The following NTM variants were observed in gnomAD, a reference collection of about 807,000 sequenced individuals.
The protein encoded by NTM is neurotrimin.
NTM carries 13 observed loss-of-function variants against 42.1 expected under a neutral mutation model. The observed-to-expected ratio is 0.31, with a 90% confidence interval of 0.20 to 0.49. The LOEUF is 0.49. NTM is among the 20% of genes least tolerant of loss of function. NTM has a pLI of 0.99. For missense variants in NTM, 373 were observed against 452.8 expected, an observed-to-expected ratio of 0.82 and a Z score of 1.60; for synonymous variants, 187 against 179.2, an observed-to-expected ratio of 1.04 and a Z score of -0.35.
chr11:131,955,489 A>G (rs192414969), intron 2 of NTM, among the ~76,000 whole-genome samples: 4 of 152,304 alleles, frequency 2.6e-5, no homozygotes, highest in Non-Finnish European at 4.4e-5. Flanking sequence ...AAAGAGTTTA[A>G]AATGTAAAGG....
At chr11:132,271,272 C>T (rs1286927862) in intron 4 of NTM, among the ~76,000 whole-genome samples, 2 of 152,158 alleles carry the variant, frequency 1.3e-5, no homozygotes, top group Non-Finnish European at 2.9e-5. Flanking sequence ...CTGTATGGAT[C>T]CACATTTTGT....
intron 4 of NTM, among the ~76,000 whole-genome samples, chr11:132,250,120 T>C (rs2091764406): frequency 6.6e-6 from 1 of 152,250 alleles, no homozygotes; most frequent in South Asian, 2.1e-4. Context: ...TATTTTGTCC[T>C]GATTCCTGAA....
chr11:132,069,969 C>T lies in NTM; in HGVS notation c.168-76313C>T, dbSNP rs568043790. On this transcript the variant is annotated intron_variant, in intron 2 of 8. Coordinates refer to ENST00000683400, the MANE Select transcript of NTM (RefSeq NM_001352005.2). The stretch of plus-strand genomic sequence containing the variant: ...AACATGTCACACAGCCAAGTTAACA[C>T]GTCAAACTGACGATCACAGGTTAGT... 1.2e-3 allele frequency among the ~76,000 whole-genome samples: 159 copies of T among 137,052 alleles called. 1 individual carries two copies. The highest frequency in any genetic ancestry group is 3.9e-3 in the African/African-American group (131 of 33,918). 89.9% of individuals were successfully genotyped at this position (137,052 alleles called of 152,430 possible). A position where few individuals can be genotyped will look rare whatever the true frequency, so the allele number is the denominator to read the frequency against.
rs185575409 is a variant in NTM at position 131,769,885 on chromosome 11, C to T, written c.83-141679C>T. Among the ~76,000 whole-genome samples the T allele has an allele frequency of 4.3e-4, 66 of 152,288 alleles. No individual in the cohort carries two copies. The East Asian group carries it at 0.01, about 24-fold the overall frequency. ...TGAAGGATGACAACATCAGCTTTGC[C>T]GCTGGTAATGAATAGTATCTATTCC... On this transcript the variant is annotated intron_variant, in intron 1 of 8. Transcript: ENST00000683400.
intron 1 of NTM, among the ~76,000 whole-genome samples, chr11:131,800,763 A>G (rs2092037903): frequency 6.6e-6 from 1 of 152,102 alleles, no homozygotes; most frequent in Non-Finnish European, 1.5e-5. Context: ...TCAAACAGCA[A>G]TTTTCCTGCA....
intron 4 of NTM, among the ~76,000 whole-genome samples, chr11:132,214,410 C>A (rs933436954): frequency 3.3e-4 from 50 of 152,128 alleles, no homozygotes; most frequent in African/African-American, 1.2e-3. Flanking sequence ...ATTCCCTCAT[C>A]TGGCCAGTTC....
intron 1 of NTM, among the ~76,000 whole-genome samples, chr11:131,556,872 A>G (rs574302951): frequency 5.3e-5 from 8 of 152,248 alleles, no homozygotes; most frequent in Admixed American, 1.3e-4. Flanking sequence ...AGCCTTGGGA[A>G]TTTTTATAAT....
intron 4 of NTM, among the ~76,000 whole-genome samples, chr11:132,259,799 T>G (rs551571655): frequency 2.0e-4 from 30 of 152,096 alleles, no homozygotes; most frequent in African/African-American, 6.5e-4. Context: ...GCCCAGGCTG[T>G]AGTGCAATGG....
chr11:131,575,918 G>T (rs941155865), intron 1 of NTM, among the ~76,000 whole-genome samples: 2 of 152,174 alleles, frequency 1.3e-5, no homozygotes, highest in African/African-American at 4.8e-5. Context: ...TACCTTAAAA[G>T]GAGCAGAAGT....
chr11:132,148,754 G>C (rs1322383563), intron 3 of NTM, among the ~76,000 whole-genome samples: 1 of 152,164 alleles, frequency 6.6e-6, no homozygotes, highest in Non-Finnish European at 1.5e-5. Context: ...GCTAGAATTA[G>C]AGCCAGGTGA....
At chr11:132,245,265 AGGCG>A (rs1448952142) in intron 4 of NTM, among the ~76,000 whole-genome samples, 1 of 152,118 alleles carries the variant, frequency 6.6e-6, no homozygotes, top group African/African-American at 2.4e-5. Flanking sequence ...CCTACTGTCC[AGGCG>A]GGGGAGAGGT....
intron 2 of NTM, among the ~76,000 whole-genome samples, chr11:132,050,987 G>C (rs1027659749): frequency 6.6e-6 from 1 of 152,312 alleles, no homozygotes; most frequent in South Asian, 2.1e-4. Flanking sequence ...AGCAAGTCGG[G>C]GGTGGTGGAA....
At chr11:131,811,350 T>C (rs1397864303) in intron 1 of NTM, among the ~76,000 whole-genome samples, 1 of 152,150 alleles carries the variant, frequency 6.6e-6, no homozygotes, top group Non-Finnish European at 1.5e-5. Flanking sequence ...CAAGCAGTGA[T>C]TGCTAATGTC....
intron 1 of NTM, among the ~76,000 whole-genome samples, chr11:131,845,126 T>C (rs1358535781): frequency 2.0e-5 from 3 of 152,214 alleles, no homozygotes; most frequent in South Asian, 2.1e-4. Context: ...GAATCCCCTT[T>C]AGATTCATGG....
rs138920998 is a variant in NTM at position 132,199,445 on chromosome 11, C to T, written c.401-12577C>T. 1.2e-3 allele frequency among the ~76,000 whole-genome samples: 184 copies of T among 152,276 alleles called. 1 individual carries two copies. The highest frequency in any genetic ancestry group is 3.9e-3 in the East Asian group (20 of 5,186). ...TCTTTGATGTGCAGAGATAAATGAACGCTGTTCAGTGGCGTACATCTTTTA... is the reference window on the plus strand; with the variant it reads ...TCTTTGATGTGCAGAGATAAATGAATGCTGTTCAGTGGCGTACATCTTTTA... On this transcript the variant is annotated intron_variant, in intron 3 of 8. Transcript: ENST00000683400.
chr11:131,557,659 T>G (rs572527228), intron 1 of NTM, among the ~76,000 whole-genome samples: 45 of 151,940 alleles, frequency 3.0e-4, no homozygotes, highest in African/African-American at 1.0e-3. Flanking sequence ...TGGGTCTTTG[T>G]GTTTGGCTGC....
At chr11:131,458,392 C>T (rs1951092476) in intron 1 of NTM, among the ~76,000 whole-genome samples, 2 of 152,216 alleles carry the variant, frequency 1.3e-5, no homozygotes, top group Admixed American at 1.3e-4. Context: ...ATAGTCGAAG[C>T]ATTTATAGGG....
Position 131,924,356 on chromosome 11 carries a change from C to T in NTM, c.167+12708C>T, listed in dbSNP as rs180930710. On this transcript the variant is annotated intron_variant, in intron 2 of 8. Coordinates refer to ENST00000683400, the MANE Select transcript of NTM (RefSeq NM_001352005.2). Reference sequence around the variant, plus strand: ...TGAGCATTCCCAGGCTTCAGGTTCACTCTGTGAAGTGAGAATACTGCTCTG... The same window carrying T: ...TGAGCATTCCCAGGCTTCAGGTTCATTCTGTGAAGTGAGAATACTGCTCTG... Among the ~76,000 whole-genome samples, 363 of 152,294 alleles carry T rather than the reference C, an allele frequency of 2.4e-3. 1 individual carries two copies. The highest frequency in any genetic ancestry group is 4.5e-3 in the Non-Finnish European group (307 of 68,022).
intron 2 of NTM, among the ~76,000 whole-genome samples, chr11:132,032,737 A>G (rs908871809): frequency 6.6e-5 from 10 of 152,252 alleles, no homozygotes; most frequent in Admixed American, 5.9e-4. Flanking sequence ...ATCTGATTCA[A>G]TCGGTATCTC....
Sources: allele counts gnomAD v4.1 joint callset (sites outside exome capture counted in the v4.1 genomes callset), GRCh38; gene constraint gnomAD v4.1.1; transcripts MANE v1.5; gene names NCBI Gene and HGNC (gene_info 2026-07-23, HGNC 2026-07-21).